Variants in FAT3 observed in about 807,000 individuals in gnomAD.
The protein encoded by FAT3 is FAT atypical cadherin 3.
In FAT3, 95 loss-of-function variants were observed where a neutral mutation model predicts 310.2. The observed-to-expected ratio is 0.31, with a 90% CI of 0.26 to 0.36. The LOEUF (loss-of-function observed/expected upper bound fraction) is 0.36. Ranked by LOEUF, FAT3 falls within the 10% of genes least tolerant of loss-of-function variation. FAT3 has a pLI of 1.00. For synonymous variants in FAT3, 2,314 were observed against 2,192.9 expected (o/e 1.06, Z -1.54); for missense variants, 5,408 against 5,715.6 (o/e 0.95, Z 1.74).
At position 92,894,338 on chromosome 11, in the gene FAT3, G is replaced by A. The variant is rs1442050620; in HGVS notation, c.*3225G>A. The A allele has an allele frequency of 1.3e-5, 2 of 152,186 alleles. No homozygotes were observed. 9.4% of individuals were successfully genotyped at this position (152,186 alleles called of 1,614,324 possible). On this transcript the variant is annotated 3_prime_UTR_variant, in exon 28 of 28. Coordinates refer to ENST00000525166, the MANE Select transcript of FAT3 (RefSeq NM_001367949.2). ...GTTGTAGTGAAACTTTGATTATACT[G>A]TTACCTACTGGTTGCATTTTTGGTT...
At chr11:92,527,252 T>C (rs1343778515) in intron 3 of FAT3, among the ~76,000 whole-genome samples, 1 of 152,216 alleles carries the variant, frequency 6.6e-6, no homozygotes, top group Non-Finnish European at 1.5e-5. Flanking sequence ...ACCAGCTTCA[T>C]GAACTTACCA....
chr11:92,564,248 T>C (rs1353020786), intron 3 of FAT3, among the ~76,000 whole-genome samples: 1 of 151,694 alleles, frequency 6.6e-6, no homozygotes. Flanking sequence ...TAGTCTCTGA[T>C]AAAACAGACT....
intron 2 of FAT3, chr11:92,408,259 A>T (rs1404735784): frequency 6.6e-6 from 1 of 152,212 alleles, no homozygotes; most frequent in Non-Finnish European, 1.5e-5. Flanking sequence ...CCCCACTCTT[A>T]TGACCTCATG....
intron 1 of FAT3, among the ~76,000 whole-genome samples, chr11:92,323,441 C>G (rs1416421281): frequency 6.6e-6 from 1 of 151,920 alleles, no homozygotes; most frequent in Non-Finnish European, 1.5e-5. Flanking sequence ...TTTGTAGAAA[C>G]AGGATCTTTC....
chr11:92,350,808 C>T (rs188879842), intron 1 of FAT3, among the ~76,000 whole-genome samples: 104 of 152,226 alleles, frequency 6.8e-4, no homozygotes, highest in African/African-American at 2.5e-3. Context: ...CATTACATGC[C>T]TGCAAAGAAA....
chr11:92,480,561 C>A (rs778725621), intron 2 of FAT3, among the ~76,000 whole-genome samples: 3 of 152,132 alleles, frequency 2.0e-5, no homozygotes, highest in African/African-American at 4.8e-5. Context: ...AGTGAGCTTA[C>A]ATGAAACAAA....
intron 14 of FAT3, among the ~76,000 whole-genome samples, chr11:92,834,311 T>G (rs1948341831): frequency 6.6e-6 from 1 of 152,258 alleles, no homozygotes; most frequent in Admixed American, 6.5e-5. Flanking sequence ...TAGTTCCTTT[T>G]CTATTCTGTC....
intron 2 of FAT3, among the ~76,000 whole-genome samples, chr11:92,421,205 C>A (rs184051722): frequency 6.6e-6 from 1 of 152,170 alleles, no homozygotes; most frequent in Non-Finnish European, 1.5e-5. Flanking sequence ...TTGACTATCA[C>A]TTGAATGTCA....
chr11:92,284,780 G>C (rs979108254), intron 1 of FAT3, among the ~76,000 whole-genome samples: 1 of 152,158 alleles, frequency 6.6e-6, no homozygotes, highest in Non-Finnish European at 1.5e-5. Flanking sequence ...TGGCAGGTCA[G>C]CTTCTCTACA....
intron 1 of FAT3, among the ~76,000 whole-genome samples, chr11:92,315,504 T>TAGAGAG (rs1947425487): frequency 1.1e-4 from 10 of 90,976 alleles, no homozygotes; most frequent in East Asian, 5.9e-4. Flanking sequence ...TATATATATA[T>TAGAGAG]ATATATATAG....
rs770953685 is a variant in FAT3 at position 92,524,694 on chromosome 11, T to C, written c.3353T>C (p.Val1118Ala). The change falls in exon 3 of 28, where the codon GTG becomes GCG. Residue 1118 changes from valine (V) to alanine (A), a missense_variant. Val to Ala is a moderately conservative substitution (Grantham distance 64, BLOSUM62 0). Transcript: ENST00000525166. ...RETMGSYWLT[V>A]YATDRGVVPL... is the part of the protein sequence containing the mutation. ...ACAATGGGGTCATACTGGCTAACAG[T>C]GTATGCCACAGACAGGGGCGTTGTT... 2 of 1,613,762 alleles carry C rather than the reference T, an allele frequency of 1.2e-6. No individual in the cohort carries two copies. The highest frequency in any genetic ancestry group is 2.2e-5 in the East Asian group (1 of 44,880).
At chr11:92,229,489 C>CTTTTTTTTTTTTTTTTTTTTTTTTTTTT (rs1565339181) in intron 1 of FAT3, among the ~76,000 whole-genome samples, 1 of 48,630 alleles carries the variant, frequency 2.1e-5, no homozygotes, top group Non-Finnish European at 4.3e-5. Flanking sequence ...TTTGTTTTTT[C>CTTTTTTTTTTTTTTTTTTTTTTTTTTTT]GTGTTTTTTT....
chr11:92,244,846 T>A (rs1315826748), intron 1 of FAT3, among the ~76,000 whole-genome samples: 1 of 152,094 alleles, frequency 6.6e-6, no homozygotes, highest in Admixed American at 6.5e-5. Context: ...AAACAACAGA[T>A]GTTGGAGAGG....
chr11:92,551,399 C>A (rs1954811050), intron 3 of FAT3, among the ~76,000 whole-genome samples: 1 of 42,524 alleles, frequency 2.4e-5, no homozygotes. Flanking sequence ...ATCTTGGTCC[C>A]ATGTTTTTTT....
chr11:92,682,802 G>T (rs1386416265), intron 3 of FAT3, among the ~76,000 whole-genome samples: 1 of 152,162 alleles, frequency 6.6e-6, no homozygotes. Flanking sequence ...TCTGGGCCAG[G>T]TGCGGTGGCT....
At chr11:92,476,058 AGT>A (rs1952043145) in intron 2 of FAT3, among the ~76,000 whole-genome samples, 1 of 151,636 alleles carries the variant, frequency 6.6e-6, no homozygotes, top group Non-Finnish European at 1.5e-5. Context: ...GCCAGCAGTG[AGT>A]GTGTGAGTGT....
chr11:92,583,566 A>T (rs1938948139), intron 3 of FAT3, among the ~76,000 whole-genome samples: 1 of 151,290 alleles, frequency 6.6e-6, no homozygotes, highest in African/African-American at 2.4e-5. Flanking sequence ...CCCCATTCTG[A>T]GCCTTGCCCC....
chr11:92,814,949 G>C (rs1400444708), intron 13 of FAT3, among the ~76,000 whole-genome samples: 1 of 152,190 alleles, frequency 6.6e-6, no homozygotes, highest in Non-Finnish European at 1.5e-5. Flanking sequence ...AGGAAGATAG[G>C]AGCCAGGAAG....
chr11:92,887,841 TA>T (rs1949832155), intron 25 of FAT3, among the ~76,000 whole-genome samples: 1 of 152,196 alleles, frequency 6.6e-6, no homozygotes, highest in South Asian at 2.1e-4. Flanking sequence ...GGAACAGTCA[TA>T]AAACAGTGAG....
Sources: gnomAD v4.1 joint callset for allele counts (sites outside exome capture counted in the v4.1 genomes callset) on GRCh38, gnomAD v4.1.1 for gene constraint, MANE v1.5 for transcripts, NCBI Gene and HGNC (gene_info 2026-07-23, HGNC 2026-07-21) for gene names.